Variants in UNC5D observed in about 807,000 individuals in gnomAD.
UNC5D encodes the protein netrin receptor UNC5D.
UNC5D carries 39 observed loss-of-function variants against 105.4 expected under a neutral mutation model. The ratio of observed to expected loss-of-function variants is 0.37; its 90% CI spans 0.29 to 0.48. UNC5D has a LOEUF of 0.48. Ranked by LOEUF, UNC5D falls within the 20% of genes least tolerant of loss-of-function variation. The pLI is 0.98. For missense variants in UNC5D, 991 were observed against 1,202.4 expected (o/e 0.82, Z 2.60); for synonymous variants, 452 against 450.4 (o/e 1.00, Z -0.04).
intron 7 of UNC5D, among the ~76,000 whole-genome samples, chr8:35,704,836 G>C (rs1436142536): frequency 6.6e-6 from 1 of 152,042 alleles, no homozygotes; most frequent in African/African-American, 2.4e-5. Context: ...CAGTCTCAAA[G>C]TGACCTGTAA....
chr8:35,311,133 G>A (rs138569875), intron 1 of UNC5D, among the ~76,000 whole-genome samples: 2 of 152,146 alleles, frequency 1.3e-5, no homozygotes, highest in Non-Finnish European at 2.9e-5. Context: ...TAAAAGGAGA[G>A]GAGAGAAAGG....
rs1405274544 is a variant in UNC5D, at chr8:35,549,328, C to T, written c.140C>T (p.Pro47Leu). ...DNGEALPESI[P>L]SAPGTLPHFI... is the part of the protein sequence containing the mutation. ...GGCGAAGCCCTTCCCGAATCCATCC[C>T]ATCAGCTCCTGGGACACTGCCTCAT... is the stretch of plus-strand genomic sequence containing the variant. Residue 47 changes from proline (P) to leucine (L), a missense_variant, in exon 2 of 17, where the codon CCA becomes CTA. Around this residue, in one of 3 missense-constraint regions of UNC5D, gnomAD observed 944 missense variants for 1,131.6 expected, o/e 0.83. Transcript: ENST00000404895. The T allele has an allele frequency of 6.2e-7, 1 of 1,613,446 alleles. No homozygotes were observed. Among genetic ancestry groups the T allele is most frequent in the Admixed American group, 1.7e-5 (1 of 60,028 alleles).
intron 7 of UNC5D, among the ~76,000 whole-genome samples, chr8:35,687,973 A>G (rs1240621004): frequency 8.6e-5 from 13 of 151,952 alleles, no homozygotes; most frequent in Admixed American, 8.5e-4. Context: ...TACTAAAAAT[A>G]CAAAAAAAAT....
intron 1 of UNC5D, among the ~76,000 whole-genome samples, chr8:35,332,186 A>G (rs1810676518): frequency 6.6e-6 from 1 of 152,232 alleles, no homozygotes; most frequent in African/African-American, 2.4e-5. Context: ...ACATGATGCT[A>G]GGAGTATACA....
At chr8:35,611,050 G>T (rs2130980401) in intron 4 of UNC5D, among the ~76,000 whole-genome samples, 1 of 145,228 alleles carries the variant, frequency 6.9e-6, no homozygotes. Flanking sequence ...ACATTTAGTA[G>T]TTTCTAATAC....
intron 1 of UNC5D, among the ~76,000 whole-genome samples, chr8:35,429,813 G>T (rs972205388): frequency 1.3e-5 from 2 of 152,140 alleles, no homozygotes; most frequent in African/African-American, 2.4e-5. Flanking sequence ...GACGACCAAT[G>T]ATCTTTTTTT....
intron 11 of UNC5D, among the ~76,000 whole-genome samples, chr8:35,740,845 G>T (rs1326700941): frequency 6.6e-6 from 1 of 152,076 alleles, no homozygotes; most frequent in Non-Finnish European, 1.5e-5. Context: ...GAAGATGTTG[G>T]CCTCAAAACT....
intron 1 of UNC5D, among the ~76,000 whole-genome samples, chr8:35,417,344 A>G (rs1052486724): frequency 6.6e-6 from 1 of 151,816 alleles, no homozygotes; most frequent in Non-Finnish European, 1.5e-5. Flanking sequence ...TGCAATGATG[A>G]GTTTACCTCA....
intron 1 of UNC5D, among the ~76,000 whole-genome samples, chr8:35,352,016 A>G (rs1382126248): frequency 6.6e-6 from 1 of 152,128 alleles, no homozygotes; most frequent in African/African-American, 2.4e-5. Context: ...AAAAACGTTC[A>G]AAGAAACAGA....
chr8:35,701,686 C>CA (rs1473888827), intron 7 of UNC5D, among the ~76,000 whole-genome samples: 1 of 152,090 alleles, frequency 6.6e-6, no homozygotes, highest in African/African-American at 2.4e-5. Context: ...AGCTGCCTTA[C>CA]AGTACTAAGT....
At position 35,684,713 on chromosome 8, in the gene UNC5D, T is replaced by C; in HGVS notation, c.883T>C (p.Ser295Pro). The change falls in exon 6 of 17, where the codon TCA (serine) becomes CCA (proline). Residue 295 changes from serine (S) to proline (P), a missense_variant. This residue lies in a region of UNC5D where 944 missense variants were observed against 1,131.6 expected (regional missense o/e 0.83). Coordinates refer to ENST00000404895, the MANE Select transcript of UNC5D (RefSeq NM_080872.4). ...TGGTGGGGCCTTTTGTGAGGGAATG[T>C]CAGTGCAGAAAATAACCTGCACTTC... The part of the protein sequence containing the change: ...LNGGAFCEGM[S>P]VQKITCTSLC... 3.1e-6 allele frequency: 5 copies of C among 1,613,822 alleles called. No individual in the cohort carries two copies. Among genetic ancestry groups the C allele is most frequent in the Non-Finnish European group, 8.5e-7 (1 of 1,179,880 alleles).
Position 35,299,854 on chromosome 8 carries a change from A to G in UNC5D, c.103+63967A>G, listed in dbSNP as rs898878528. Among the ~76,000 whole-genome samples, 3 of 152,312 alleles carry G rather than the reference A, an allele frequency of 2.0e-5. No homozygotes were observed. The East Asian group carries it at 5.8e-4, about 29-fold the overall frequency. ...AATGCAACTGTAAAATAGAGTGAGG[A>G]AAGTTACTGTGAATTGATTGCTATT... On this transcript the variant is annotated intron_variant, in intron 1 of 16. Transcript: ENST00000404895.
Position 35,651,363 on chromosome 8 carries a change from G to T in UNC5D, c.571-32184G>T, listed in dbSNP as rs149771394. 5.8e-3 allele frequency among the ~76,000 whole-genome samples: 882 copies of T among 152,242 alleles called. 3 individuals carry two copies. Among genetic ancestry groups the T allele is most frequent in the African/African-American group, 0.021 (852 of 41,542 alleles). On this transcript the variant is annotated intron_variant, in intron 4 of 16. Transcript: ENST00000404895. ...TAAAAGATAAAAGGATGAAGGGAAT[G>T]ATGTAAGGAGTAAATGAATAAAAAG...
intron 1 of UNC5D, among the ~76,000 whole-genome samples, chr8:35,481,819 A>G (rs1275951015): frequency 6.6e-6 from 1 of 152,146 alleles, no homozygotes; most frequent in Non-Finnish European, 1.5e-5. Flanking sequence ...ATTTAACTTT[A>G]TAATATGCTG....
chr8:35,754,623 C>T (rs2131660358), intron 13 of UNC5D, among the ~76,000 whole-genome samples: 1 of 152,190 alleles, frequency 6.6e-6, no homozygotes, highest in East Asian at 1.9e-4. Context: ...TGGGTGGGGA[C>T]CAGGCAATAT....
intron 3 of UNC5D, among the ~76,000 whole-genome samples, chr8:35,591,764 G>C (rs1346099895): frequency 6.6e-6 from 1 of 152,136 alleles, no homozygotes. Flanking sequence ...AGGAGTGAAA[G>C]TCTAGGACAT....
chr8:35,775,604 AT>A (rs374504072), intron 16 of UNC5D, among the ~76,000 whole-genome samples: 7,408 of 145,882 alleles, frequency 0.051, 407 homozygotes, highest in African/African-American at 0.14. Context: ...CTTTGGTACT[AT>A]TTTTTTTTTT....
At chr8:35,298,340 C>CT (rs1370780025) in intron 1 of UNC5D, among the ~76,000 whole-genome samples, 1 of 152,116 alleles carries the variant, frequency 6.6e-6, no homozygotes, top group Non-Finnish European at 1.5e-5. Flanking sequence ...CTCTGAGCCT[C>CT]TTTTTGTGTT....
At chr8:35,349,705 A>G (rs1812066503) in intron 1 of UNC5D, among the ~76,000 whole-genome samples, 1 of 152,056 alleles carries the variant, frequency 6.6e-6, no homozygotes, top group Admixed American at 6.6e-5. Context: ...AGTTTAGTTT[A>G]TAACTCAGTC....
Sources: gnomAD v4.1 joint callset for allele counts (sites outside exome capture counted in the v4.1 genomes callset) on GRCh38, gnomAD v4.1.1 for gene constraint, gnomAD v4.1.1 regional missense constraint, MANE v1.5 for transcripts, NCBI Gene and HGNC (gene_info 2026-07-23, HGNC 2026-07-21) for gene names.